The following CPA6 variants were observed in gnomAD, a reference collection of about 807,000 sequenced individuals.
The protein encoded by CPA6 is carboxypeptidase B.
CPA6 carries 58 observed loss-of-function variants against 63.3 expected under a neutral mutation model. The ratio of observed to expected loss-of-function variants is 0.92; its 90% CI spans 0.74 to 1.14. The LOEUF (loss-of-function observed/expected upper bound fraction) is 1.14. Among genes scored for constraint, CPA6 ranks in the 50% most tolerant of loss-of-function variants. The pLI, the probability that CPA6 is intolerant of heterozygous loss-of-function variation, is 0.00. For missense variants in CPA6, 565 were observed against 526.6 expected (o/e 1.07, Z -0.71); for synonymous variants, 185 against 179.0 (o/e 1.03, Z -0.27).
At chr8:67,475,868 TTTCTTTCTTTCTC>T (rs1563967881) in intron 8 of CPA6, among the ~76,000 whole-genome samples, 38 of 97,052 alleles carry the variant, frequency 3.9e-4, no homozygotes, top group African/African-American at 1.5e-3. Flanking sequence ...TCTTTCTTTC[TTTCTTTCTTTCTC>T]CTTTCTTTCT....
At chr8:67,423,691 C>T (rs1809818505) in intron 10 of CPA6, among the ~76,000 whole-genome samples, 1 of 152,186 alleles carries the variant, frequency 6.6e-6, no homozygotes, top group African/African-American at 2.4e-5. Context: ...GTCACACTAC[C>T]TCATTACTGA....
intron 2 of CPA6, among the ~76,000 whole-genome samples, chr8:67,520,009 T>G (rs1010612920): frequency 1.3e-5 from 2 of 152,184 alleles, no homozygotes; most frequent in Non-Finnish European, 2.9e-5. Flanking sequence ...AGCATGTTGG[T>G]ATCTTTCACT....
At chr8:67,577,550 T>A (rs555291658) in intron 2 of CPA6, among the ~76,000 whole-genome samples, 49 of 152,284 alleles carry the variant, frequency 3.2e-4, no homozygotes, top group Non-Finnish European at 4.4e-5. Flanking sequence ...GATGGCTAAT[T>A]TTTTGTATTT....
rs181860275 is a variant in CPA6, at chr8:67,429,364, G to C, written c.1042-1233C>G. 1.9e-3 allele frequency among the ~76,000 whole-genome samples: 292 copies of C among 152,328 alleles called. 3 individuals are homozygous for C. Among genetic ancestry groups the C allele is most frequent in the African/African-American group, 6.7e-3 (277 of 41,570 alleles). On this transcript the variant is annotated intron_variant, in intron 9 of 10. Coordinates refer to ENST00000297770, the MANE Select transcript of CPA6 (RefSeq NM_020361.5). ...TGACAAATGAGAGGAAAAGAAGTAT[G>C]TTGAAACCAGAATACAACTCTCCGA... is the stretch of plus-strand genomic sequence containing the variant.
chr8:67,512,302 C>T (rs1056700836), intron 3 of CPA6, among the ~76,000 whole-genome samples: 14 of 152,114 alleles, frequency 9.2e-5, no homozygotes, highest in African/African-American at 3.4e-4. Flanking sequence ...AGAGACTATG[C>T]TCATGTCACT....
In CPA6 at chr8:67,560,007, G is replaced by T. The variant is rs148587907; in HGVS notation, c.193-41960C>A. Among the ~76,000 whole-genome samples, 693 of 151,978 alleles carry T rather than the reference G, an allele frequency of 4.6e-3. 4 individuals are homozygous for T. Among genetic ancestry groups the T allele is most frequent in the African/African-American group, 0.016 (647 of 41,456 alleles). On this transcript the variant is annotated intron_variant, in intron 2 of 10. Transcript: ENST00000297770. The stretch of plus-strand genomic sequence containing the variant: ...TGGAAAAAGCCCTTACTCAACAGAC[G>T]TCAAATCTGTTGGCACCTTGATCTT...
chr8:67,626,292 C>T (rs1412863564), intron 1 of CPA6, among the ~76,000 whole-genome samples: 1 of 152,172 alleles, frequency 6.6e-6, no homozygotes, highest in Non-Finnish European at 1.5e-5. Context: ...AGAGATACTT[C>T]TGGACTTGCT....
At chr8:67,479,938 A>G (rs919243650) in intron 8 of CPA6, among the ~76,000 whole-genome samples, 3 of 150,204 alleles carry the variant, frequency 2.0e-5, no homozygotes, top group Admixed American at 1.3e-4. Context: ...ATCTACCCAA[A>G]TGATTGGTCA....
At chr8:67,719,334 C>T (rs914475580) in intron 1 of CPA6, among the ~76,000 whole-genome samples, 6 of 151,894 alleles carry the variant, frequency 4.0e-5, no homozygotes, top group African/African-American at 7.3e-5. Context: ...GGGTAGCATC[C>T]CGAGTGGATA....
At position 67,642,979 on chromosome 8, in the gene CPA6, G is replaced by T. The variant is rs184165377; in HGVS notation, c.117-18728C>A. On this transcript the variant is annotated intron_variant, in intron 1 of 10. Transcript: ENST00000297770. ...ATTAATTCAATTATATTAAAATGAG[G>T]AACTTTTCATGAAAATATTCCATAA... is the stretch of plus-strand genomic sequence containing the variant. Among the ~76,000 whole-genome samples the T allele has an allele frequency of 2.3e-3, 345 of 151,982 alleles. 1 individual carries two copies. The highest frequency in any genetic ancestry group is 8.0e-3 in the African/African-American group (333 of 41,442).
intron 2 of CPA6, among the ~76,000 whole-genome samples, chr8:67,611,620 T>C (rs1314171219): frequency 6.6e-6 from 1 of 152,156 alleles, no homozygotes; most frequent in Non-Finnish European, 1.5e-5. Context: ...TATTTCTCCT[T>C]TGATAGCTGG....
rs869189030 is a variant in CPA6, at chr8:67,660,322, G to GTTTTTTTTT, written c.117-36080_117-36072dup. Among the ~76,000 whole-genome samples, 18 of 73,908 alleles carry GTTTTTTTTT rather than the reference G, an allele frequency of 2.4e-4. 1 individual carries two copies. The highest frequency in any genetic ancestry group is 3.0e-4 in the Non-Finnish European group (13 of 43,260). The allele number at this position is 73,908 out of a possible 152,430, so 48.5% of individuals were successfully genotyped here. On this transcript the variant is annotated intron_variant, in intron 1 of 10. Coordinates refer to ENST00000297770, the MANE Select transcript of CPA6 (RefSeq NM_020361.5). ...ACATGGTAAAAGTTAATTATTGCAG[G>GTTTTTTTTT]TTTTTTTTTTTTTTTTTTTTTTTTT... is the stretch of plus-strand genomic sequence containing the variant.
chr8:67,706,701 G>GCACAA (rs1345652183), intron 1 of CPA6, among the ~76,000 whole-genome samples: 1 of 152,008 alleles, frequency 6.6e-6, no homozygotes, highest in East Asian at 1.9e-4. Flanking sequence ...TGGAATAGAA[G>GCACAA]CACAACATAG....
intron 2 of CPA6, among the ~76,000 whole-genome samples, chr8:67,589,703 T>C (rs1814053413): frequency 6.6e-6 from 1 of 152,104 alleles, no homozygotes. Context: ...AAAGTATTAT[T>C]ATAAAGTGAA....
At chr8:67,550,848 T>C (rs902372913) in intron 2 of CPA6, among the ~76,000 whole-genome samples, 13 of 152,198 alleles carry the variant, frequency 8.5e-5, no homozygotes, top group African/African-American at 2.9e-4. Context: ...TTTTGAGAAA[T>C]GTCTGTTCAT....
chr8:67,586,913 A>C (rs1260683547), intron 2 of CPA6, among the ~76,000 whole-genome samples: 1 of 152,184 alleles, frequency 6.6e-6, no homozygotes, highest in Non-Finnish European at 1.5e-5. Context: ...ATTTTTAGAG[A>C]ACCATGTTAT....
At chr8:67,442,667 A>G (rs1368199373) in intron 8 of CPA6, among the ~76,000 whole-genome samples, 2 of 152,194 alleles carry the variant, frequency 1.3e-5, no homozygotes, top group Non-Finnish European at 2.9e-5. Flanking sequence ...CATCTTATTT[A>G]TGACGCAAAG....
At position 67,634,920 on chromosome 8, in the gene CPA6, C is replaced by T. The variant is rs531579133; in HGVS notation, c.117-10669G>A. On this transcript the variant is annotated intron_variant, in intron 1 of 10. Coordinates refer to ENST00000297770, the MANE Select transcript of CPA6 (RefSeq NM_020361.5). Reference sequence around the variant, plus strand: ...AGTTCTTTTTTTAGAAATGGTCTCACTCTGTTGCCCAGGCTGGAGTACAGT... The same window carrying T: ...AGTTCTTTTTTTAGAAATGGTCTCATTCTGTTGCCCAGGCTGGAGTACAGT... 2.0e-5 allele frequency among the ~76,000 whole-genome samples: 3 copies of T among 151,614 alleles called. No homozygotes were observed. In the East Asian group the frequency reaches 5.8e-4, roughly 29 times the overall value.
intron 8 of CPA6, among the ~76,000 whole-genome samples, chr8:67,436,170 C>T (rs1286531454): frequency 7.9e-5 from 12 of 152,284 alleles, no homozygotes; most frequent in Non-Finnish European, 1.5e-4. Context: ...TTCTCACCTT[C>T]AAAGAGTCCC....
Sources: allele counts gnomAD v4.1 joint callset (sites outside exome capture counted in the v4.1 genomes callset), GRCh38; gene constraint gnomAD v4.1.1; transcripts MANE v1.5; gene names NCBI Gene and HGNC (gene_info 2026-07-23, HGNC 2026-07-21).